The following RAB3GAP1 variants were observed in gnomAD, a reference collection of about 807,000 sequenced individuals.
RAB3GAP1 encodes rab3 GTPase-activating protein catalytic subunit.
A neutral mutation model predicts 130.7 loss-of-function variants in RAB3GAP1; 86 were observed. The observed-to-expected ratio is 0.66, with a 90% confidence interval of 0.55 to 0.79. The LOEUF is 0.79. Among genes scored for constraint, RAB3GAP1 ranks in the 30% least tolerant of loss-of-function variants. The pLI is 0.00. For synonymous variants in RAB3GAP1, 367 were observed against 401.7 expected, an observed-to-expected ratio of 0.91 and a Z score of 1.03; for missense variants, 1,029 against 1,169.4, an observed-to-expected ratio of 0.88 and a Z score of 1.75.
intron 19 of RAB3GAP1, among the ~76,000 whole-genome samples, chr2:135,157,858 A>G (rs1000338882): frequency 6.6e-6 from 1 of 151,642 alleles, no homozygotes; most frequent in Non-Finnish European, 1.5e-5. Context: ...AACAAAAACA[A>G]TCTTGAACCC....
chr2:135,087,223 TGTAA>T (rs1184325732), intron 3 of RAB3GAP1, among the ~76,000 whole-genome samples: 1 of 152,216 alleles, frequency 6.6e-6, no homozygotes, highest in African/African-American at 2.4e-5. Flanking sequence ...TGAAGTCAAA[TGTAA>T]GTGCGAATGT....
At chr2:135,129,312 C>T (rs1005782428) in intron 11 of RAB3GAP1, among the ~76,000 whole-genome samples, 31 of 151,360 alleles carry the variant, frequency 2.0e-4, no homozygotes, top group African/African-American at 7.1e-4. Flanking sequence ...ATTAGCCAGG[C>T]GTGGTTGTGG....
intron 3 of RAB3GAP1, among the ~76,000 whole-genome samples, chr2:135,065,588 TAATA>T (rs895212161): frequency 3.3e-5 from 5 of 152,190 alleles, no homozygotes; most frequent in African/African-American, 1.2e-4. Context: ...TGTAATGAAT[TAATA>T]AATTACAATT....
chr2:135,139,229 T>A (rs1356338504), intron 17 of RAB3GAP1, among the ~76,000 whole-genome samples: 1 of 152,162 alleles, frequency 6.6e-6, no homozygotes. Flanking sequence ...TATTGAGTTA[T>A]AACTTAATAC....
chr2:135,132,280 T>C (rs1232912146), intron 13 of RAB3GAP1, among the ~76,000 whole-genome samples: 3 of 152,246 alleles, frequency 2.0e-5, no homozygotes, highest in African/African-American at 7.2e-5. Context: ...AAAAGAATGT[T>C]ATTCAAATCA....
intron 17 of RAB3GAP1, among the ~76,000 whole-genome samples, chr2:135,149,691 T>C (rs1228792795): frequency 6.6e-6 from 1 of 152,216 alleles, no homozygotes; most frequent in Non-Finnish European, 1.5e-5. Flanking sequence ...TCTCGCTCTG[T>C]TGCCCAGGCT....
intron 5 of RAB3GAP1, among the ~76,000 whole-genome samples, chr2:135,106,708 T>G (rs1256556921): frequency 1.4e-5 from 2 of 146,684 alleles, no homozygotes; most frequent in African/African-American, 5.1e-5. Flanking sequence ...CCTATGACCC[T>G]GCCAAATCCC....
At chr2:135,072,070 G>A (rs529568499) in intron 3 of RAB3GAP1, among the ~76,000 whole-genome samples, 1 of 152,246 alleles carries the variant, frequency 6.6e-6, no homozygotes, top group East Asian at 1.9e-4. Flanking sequence ...GCACCACCAT[G>A]CCTGGCTACT....
downstream of RAB3GAP1, among the ~76,000 whole-genome samples, chr2:135,171,436 A>G (rs72980325): frequency 0.024 from 3,617 of 152,202 alleles, 164 homozygotes; most frequent in African/African-American, 0.083. Flanking sequence ...GCTCCTTAGA[A>G]GAAAGGTGGC....
chr2:135,105,601 G>A (rs1260661662), intron 5 of RAB3GAP1, among the ~76,000 whole-genome samples: 7 of 151,874 alleles, frequency 4.6e-5, no homozygotes, highest in Non-Finnish European at 7.4e-5. Flanking sequence ...CCTCCCAGCC[G>A]CCTGCCTTGG....
intron 7 of RAB3GAP1, among the ~76,000 whole-genome samples, chr2:135,117,669 G>GCTTCTT (rs1558784618): frequency 1.1e-4 from 2 of 18,366 alleles, no homozygotes; most frequent in African/African-American, 2.0e-4. Flanking sequence ...TTCTGCTTCT[G>GCTTCTT]CTTCTTCTGC....
At chr2:135,151,918 ACTC>A (rs763491431) in intron 18 of RAB3GAP1, among the ~76,000 whole-genome samples, 112 of 152,270 alleles carry the variant, frequency 7.4e-4, no homozygotes, top group Non-Finnish European at 1.2e-3. Context: ...GAAACATACT[ACTC>A]CTTCTTGGTA....
At chr2:135,074,124 TGAGG>T (rs1196850561) in intron 3 of RAB3GAP1, among the ~76,000 whole-genome samples, 1 of 152,136 alleles carries the variant, frequency 6.6e-6, no homozygotes, top group African/African-American at 2.4e-5. Context: ...GGGAAAGGGA[TGAGG>T]GAAGACTCAC....
At chr2:135,125,324 A>G (rs1691318267) in intron 9 of RAB3GAP1, among the ~76,000 whole-genome samples, 2 of 152,222 alleles carry the variant, frequency 1.3e-5, no homozygotes, top group Admixed American at 6.5e-5. Flanking sequence ...CACAGCTGGT[A>G]TGTTGCAAGA....
chr2:135,099,235 T>C (rs1414612446), intron 5 of RAB3GAP1, among the ~76,000 whole-genome samples: 1 of 152,226 alleles, frequency 6.6e-6, no homozygotes, highest in East Asian at 1.9e-4. Flanking sequence ...TGAGAGTTTT[T>C]ATTATGAATG....
chr2:135,124,160 T>A lies in RAB3GAP1; in HGVS notation c.749-5T>A, dbSNP rs1691279297. The A allele has an allele frequency of 1.2e-6, 2 of 1,612,942 alleles. No homozygotes were observed. The highest frequency in any genetic ancestry group is 2.2e-5 in the South Asian group (2 of 91,062). On this transcript the variant is annotated splice_region_variant and splice_polypyrimidine_tract_variant and intron_variant, in intron 8 of 23. Transcript: ENST00000264158. ...AAATGATGGAAAAATATTTCTTTTG[T>A]TTAGACATAGATGCCCTTGTAGGAG...
At chr2:135,158,044 A>T (rs900907539) in intron 19 of RAB3GAP1, among the ~76,000 whole-genome samples, 1 of 152,082 alleles carries the variant, frequency 6.6e-6, no homozygotes, top group African/African-American at 2.4e-5. Flanking sequence ...GCAAGGAAGA[A>T]CGCAGTGGCA....
At chr2:135,141,231 T>C (rs111879505) in intron 17 of RAB3GAP1, among the ~76,000 whole-genome samples, 8 of 117,694 alleles carry the variant, frequency 6.8e-5, no homozygotes, top group Admixed American at 2.4e-4. Context: ...CTTACTTCTT[T>C]TTTTTTTTTT....
At chr2:135,106,616 G>T (rs1239805960) in intron 5 of RAB3GAP1, among the ~76,000 whole-genome samples, 1 of 151,846 alleles carries the variant, frequency 6.6e-6, no homozygotes. Flanking sequence ...CAAACACTGC[G>T]GAAGGCCGCA....
Sources: allele counts gnomAD v4.1 joint callset (sites outside exome capture counted in the v4.1 genomes callset), GRCh38; gene constraint gnomAD v4.1.1; transcripts MANE v1.5; gene names NCBI Gene and HGNC (gene_info 2026-07-23, HGNC 2026-07-21).